ALPK2: variants seen among roughly 807,000 people sequenced by gnomAD.
The protein encoded by ALPK2 is alpha-protein kinase 2.
A neutral mutation model predicts 163.1 loss-of-function variants in ALPK2; 127 were observed. The observed-to-expected ratio is 0.78, with a 90% CI of 0.67 to 0.90. The LOEUF (loss-of-function observed/expected upper bound fraction) is 0.90, where lower values mean the gene tolerates loss of function less well. Ranked by LOEUF, ALPK2 falls within the 40% of genes least tolerant of loss-of-function variation. The pLI, the probability that ALPK2 is intolerant of heterozygous loss-of-function variation, is 0.00. For synonymous variants in ALPK2, 953 were observed against 959.1 expected (o/e 0.99, Z 0.12); for missense variants, 2,360 against 2,589.6 (o/e 0.91, Z 1.92).
At chr18:58,549,156 A>G (rs2051736320) in intron 4 of ALPK2, among the ~76,000 whole-genome samples, 1 of 152,208 alleles carries the variant, frequency 6.6e-6, no homozygotes, top group South Asian at 2.1e-4. Context: ...AACCACAAAT[A>G]ATTGAGGTTT....
chr18:58,504,858 G>T (rs969381221), intron 10 of ALPK2, among the ~76,000 whole-genome samples: 1 of 152,030 alleles, frequency 6.6e-6, no homozygotes, highest in Non-Finnish European at 1.5e-5. Flanking sequence ...GAAGTGAGGG[G>T]AGCCATGAGG....
chr18:58,557,472 C>T (rs1384439280), intron 4 of ALPK2, among the ~76,000 whole-genome samples: 1 of 151,856 alleles, frequency 6.6e-6, no homozygotes, highest in Non-Finnish European at 1.5e-5. Flanking sequence ...CAAATGCAGT[C>T]TCTGATGCCG....
rs146454592 is a variant in ALPK2, at chr18:58,572,863, G to C, written c.1962+5951C>G. On this transcript the variant is annotated intron_variant, in intron 4 of 12. Coordinates refer to ENST00000361673, the MANE Select transcript of ALPK2 (RefSeq NM_052947.4). ...TGTAGATCTTAATACACACATACGA[G>C]TACAACTGGGGAAATCCAAATTACA... is the stretch of plus-strand genomic sequence containing the variant. 2.6e-5 allele frequency among the ~76,000 whole-genome samples: 4 copies of C among 152,282 alleles called. 1 individual carries two copies. Among genetic ancestry groups the C allele is most frequent in the African/African-American group, 9.6e-5 (4 of 41,552 alleles).
intron 4 of ALPK2, among the ~76,000 whole-genome samples, chr18:58,567,225 A>G (rs1056686581): frequency 1.6e-5 from 1 of 64,264 alleles, no homozygotes; most frequent in African/African-American, 5.1e-5. Flanking sequence ...GTCTCTACTT[A>G]AAAAAAAAAA....
At chr18:58,561,896 C>A (rs151259996) in intron 4 of ALPK2, among the ~76,000 whole-genome samples, 1 of 152,196 alleles carries the variant, frequency 6.6e-6, no homozygotes, top group East Asian at 1.9e-4. Context: ...TGGGGCAGGG[C>A]ATTATCAGCA....
At chr18:58,550,314 ACGTAAAACCCTATCCC>A (rs2051744711) in intron 4 of ALPK2, among the ~76,000 whole-genome samples, 9 of 150,856 alleles carry the variant, frequency 6.0e-5, no homozygotes, top group East Asian at 1.9e-4. Context: ...CATCTCCATC[ACGTAAAACCCTATCCC>A]TGCCTTCATC....
chr18:58,609,911 G>A (rs1368171164), intron 2 of ALPK2, among the ~76,000 whole-genome samples: 3 of 152,124 alleles, frequency 2.0e-5, no homozygotes, highest in Admixed American at 6.5e-5. Context: ...AATGACGATG[G>A]ACCATCACGG....
intron 12 of ALPK2, among the ~76,000 whole-genome samples, chr18:58,496,554 A>G (rs1045000408): frequency 7.9e-5 from 12 of 152,178 alleles, no homozygotes; most frequent in Admixed American, 7.2e-4. Flanking sequence ...TCCCCTTCCT[A>G]CTTTTTCAGA....
In ALPK2 at chr18:58,538,310, C is replaced by T. The variant is rs1232307046; in HGVS notation, c.1963-86G>A. ...AACTGCAATCCCAAGAGTGTTAATC[C>T]TCAATGACCGTAATAATGGACAAGA... On this transcript the variant is annotated intron_variant, in intron 4 of 12. Transcript: ENST00000361673. 8.4e-6 allele frequency: 10 copies of T among 1,185,666 alleles called. No individual in the cohort carries two copies. The East Asian group carries it at 1.9e-4, about 22-fold the overall frequency. The allele number at this position is 1,185,666 out of a possible 1,614,324, so 73.4% of individuals were successfully genotyped here. A position where few individuals can be genotyped will look rare whatever the true frequency, so the allele number is the denominator to read the frequency against.
In ALPK2 at chr18:58,521,093, C is replaced by T. The variant is rs1602198719; in HGVS notation, c.5665+2713G>A. On this transcript the variant is annotated intron_variant, in intron 8 of 12. Coordinates refer to ENST00000361673, the MANE Select transcript of ALPK2 (RefSeq NM_052947.4). ...TAGGGAGGGGCCAGGAGTTACTTCC[C>T]CAGCCGGGTGAGTCAGTGAAACTGA... 1.3e-5 allele frequency among the ~76,000 whole-genome samples: 2 copies of T among 152,212 alleles called. 1 individual carries two copies. Among genetic ancestry groups the T allele is most frequent in the South Asian group, 4.1e-4 (2 of 4,828 alleles).
chr18:58,531,600 T>C (rs1602203590), intron 5 of ALPK2, among the ~76,000 whole-genome samples: 1 of 139,950 alleles, frequency 7.1e-6, no homozygotes, highest in East Asian at 2.2e-4. Context: ...TTAAAGGAAT[T>C]GGCCCACGGC....
At chr18:58,549,697 G>A (rs1197873353) in intron 4 of ALPK2, among the ~76,000 whole-genome samples, 1 of 152,214 alleles carries the variant, frequency 6.6e-6, no homozygotes, top group East Asian at 1.9e-4. Context: ...TGGGAGATGA[G>A]TGGAAAATAA....
intron 4 of ALPK2, among the ~76,000 whole-genome samples, chr18:58,552,271 G>A (rs188239422): frequency 3.3e-5 from 5 of 152,232 alleles, no homozygotes; most frequent in South Asian, 4.2e-4. Flanking sequence ...TGGAGGGGGC[G>A]GGGGAATATA....
rs1380893129 is a variant in ALPK2 at position 58,481,705 on chromosome 18, G to A, written c.*118C>T. The stretch of plus-strand genomic sequence containing the variant: ...GAAGCATCTTGGCGCACAGTCGGCT[G>A]GGAGTAAGGATTGCCACGCACTCTC... On this transcript the variant is annotated 3_prime_UTR_variant, in exon 13 of 13. Coordinates refer to ENST00000361673, the MANE Select transcript of ALPK2 (RefSeq NM_052947.4). 9 of 778,830 alleles carry A rather than the reference G, an allele frequency of 1.2e-5. No individual in the cohort carries two copies. Among genetic ancestry groups the A allele is most frequent in the African/African-American group, 1.7e-5 (1 of 57,610 alleles). The allele number at this position is 778,830 out of a possible 1,614,324, so 48.2% of individuals were successfully genotyped here. A position where few individuals can be genotyped will look rare whatever the true frequency, so the allele number is the denominator to read the frequency against.
chr18:58,508,883 C>CT lies in ALPK2; in HGVS notation c.6030-4736dup, dbSNP rs35383309. The stretch of plus-strand genomic sequence containing the variant: ...GTAACAGCTCTATGTATAATAAACT[C>CT]TTTTTTTTTTTCAATTATACTTTAA... On this transcript the variant is annotated intron_variant, in intron 10 of 12. Transcript: ENST00000361673. Among the ~76,000 whole-genome samples, 289 of 148,774 alleles carry CT rather than the reference C, an allele frequency of 1.9e-3. 1 individual carries two copies. Among genetic ancestry groups the CT allele is most frequent in the African/African-American group, 6.4e-3 (257 of 40,448 alleles).
intron 4 of ALPK2, among the ~76,000 whole-genome samples, chr18:58,572,985 C>T (rs547471526): frequency 6.6e-6 from 1 of 152,230 alleles, no homozygotes; most frequent in South Asian, 2.1e-4. Flanking sequence ...AGTGTACTGT[C>T]ATCTCTCTCT....
At chr18:58,598,624 C>T (rs549544135) in intron 3 of ALPK2, among the ~76,000 whole-genome samples, 4 of 152,280 alleles carry the variant, frequency 2.6e-5, no homozygotes, top group East Asian at 3.9e-4. Flanking sequence ...CTCGCTACAT[C>T]GTCGGGGCAA....
chr18:58,618,048 T>A (rs550130738), intron 1 of ALPK2, among the ~76,000 whole-genome samples: 4 of 152,232 alleles, frequency 2.6e-5, no homozygotes, highest in East Asian at 1.9e-4. Context: ...ACATTAAAAA[T>A]ATATATATAT....
intron 1 of ALPK2, among the ~76,000 whole-genome samples, chr18:58,622,929 A>G (rs1227749879): frequency 1.3e-5 from 2 of 152,200 alleles, no homozygotes; most frequent in African/African-American, 2.4e-5. Flanking sequence ...ATCAGACAAT[A>G]TAGGGGAGAA....
Sources: allele counts gnomAD v4.1 joint callset (sites outside exome capture counted in the v4.1 genomes callset), GRCh38; gene constraint gnomAD v4.1.1; transcripts MANE v1.5; gene names NCBI Gene and HGNC (gene_info 2026-07-23, HGNC 2026-07-21).